VIPR2: variants seen among roughly 807,000 people sequenced by gnomAD.
The protein encoded by VIPR2 is vasoactive intestinal peptide receptor 2.
VIPR2 carries 48 observed loss-of-function variants against 58.0 expected under a neutral mutation model. The ratio of observed to expected loss-of-function variants is 0.83; its 90% CI spans 0.66 to 1.05. The LOEUF is 1.05. VIPR2 is among the 50% of genes least tolerant of loss of function. The pLI, the probability that VIPR2 is intolerant of heterozygous loss-of-function variation, is 0.00. For missense variants in VIPR2, 534 were observed against 558.0 expected (o/e 0.96, Z 0.43); for synonymous variants, 243 against 235.2 (o/e 1.03, Z -0.30).
chr7:159,135,386 C>T (rs958841341), intron 2 of VIPR2, among the ~76,000 whole-genome samples: 1 of 151,702 alleles, frequency 6.6e-6, no homozygotes, highest in Non-Finnish European at 1.5e-5. Context: ...GAGCCCAGAT[C>T]GCACCCCTGC....
At chr7:159,136,405 C>A (rs1377167345) in intron 2 of VIPR2, among the ~76,000 whole-genome samples, 1 of 152,178 alleles carries the variant, frequency 6.6e-6, no homozygotes, top group Non-Finnish European at 1.5e-5. Flanking sequence ...TTGTTTTAAC[C>A]TAAGTATTGA....
chr7:159,031,370 G>C lies in VIPR2; in HGVS notation c.1143+458C>G. ...GGGGCCAGGCCGTTGGAGCAGCCCG[G>C]AGACAGCCTCCCTGGCTGGGAATGA... On this transcript the variant is annotated intron_variant, in intron 12 of 12. Coordinates refer to ENST00000262178, the MANE Select transcript of VIPR2 (RefSeq NM_003382.5). This position sits in a 1 kb window ranked among gnomAD's most constrained non-coding sequence, Gnocchi z 4.0. 1.1e-6 allele frequency: 1 copy of C among 945,516 alleles called. No individual in the cohort carries two copies. Among genetic ancestry groups the C allele is most frequent in the Non-Finnish European group, 1.3e-6 (1 of 793,498 alleles). 58.6% of individuals were successfully genotyped at this position (945,516 alleles called of 1,614,324 possible). A position where few individuals can be genotyped will look rare whatever the true frequency, so the allele number is the denominator to read the frequency against.
intron 4 of VIPR2, among the ~76,000 whole-genome samples, chr7:159,065,634 A>G (rs1856036625): frequency 6.7e-6 from 1 of 148,240 alleles, no homozygotes. Flanking sequence ...AAATCCCCAT[A>G]AAAAGACCAT....
chr7:159,092,746 G>A (rs1857577305), intron 4 of VIPR2, among the ~76,000 whole-genome samples: 1 of 151,512 alleles, frequency 6.6e-6, no homozygotes, highest in African/African-American at 2.4e-5. Context: ...CGCCTCCCGG[G>A]TTCGGCTGTT....
chr7:159,091,078 C>T lies in VIPR2; in HGVS notation c.357+12679G>A, dbSNP rs562637299. Among the ~76,000 whole-genome samples the T allele has an allele frequency of 9.8e-5, 15 of 152,328 alleles. No homozygotes were observed. The East Asian group carries it at 1.2e-3, about 12-fold the overall frequency. ...ATCTCTGGTGACCTCAGCACAGACA[C>T]GCTGTGATCACACACAGAGGCCACT... is the stretch of plus-strand genomic sequence containing the variant. On this transcript the variant is annotated intron_variant, in intron 4 of 12. Coordinates refer to ENST00000262178, the MANE Select transcript of VIPR2 (RefSeq NM_003382.5).
chr7:159,071,067 C>T (rs2540352), intron 4 of VIPR2, among the ~76,000 whole-genome samples: 53,252 of 152,152 alleles, frequency 0.35, 10,781 homozygotes, highest in Middle Eastern at 0.47. Context: ...ACAAGAAAAC[C>T]GCCAGGCTAC....
chr7:159,132,821 C>CAGAATGATTGGCATACA (rs1796993289), intron 2 of VIPR2, among the ~76,000 whole-genome samples: 6 of 30,084 alleles, frequency 2.0e-4, no homozygotes, highest in African/African-American at 2.7e-4. Context: ...ATTGGCATAC[C>CAGAATGATTGGCATACA]GATTGATTTG....
intron 2 of VIPR2, among the ~76,000 whole-genome samples, chr7:159,110,606 T>C (rs770099687): frequency 1.4e-4 from 22 of 152,192 alleles, no homozygotes; most frequent in Non-Finnish European, 2.6e-4. Context: ...TACTTGTCCA[T>C]GGTATTTATA....
At chr7:159,034,740 C>G in intron 8 of VIPR2, 90 bp from the exon 9 acceptor site, 1 of 1,017,254 alleles carries the variant, frequency 9.8e-7, no homozygotes, top group East Asian at 2.4e-5. Flanking sequence ...CCCAACTTGC[C>G]CACTCCCCTC....
intron 4 of VIPR2, among the ~76,000 whole-genome samples, chr7:159,101,033 G>A (rs1858184586): frequency 7.1e-6 from 1 of 141,304 alleles, no homozygotes; most frequent in African/African-American, 2.7e-5. Context: ...GTAGTGAACT[G>A]GTCTCACGAG....
At chr7:159,039,971 G>A (rs532400993) in intron 6 of VIPR2, among the ~76,000 whole-genome samples, 2 of 152,338 alleles carry the variant, frequency 1.3e-5, no homozygotes, top group African/African-American at 2.4e-5. Flanking sequence ...GAAAGCAGGC[G>A]CCGACCTGGT....
At chr7:159,059,932 C>T (rs1014266097) in intron 4 of VIPR2, among the ~76,000 whole-genome samples, 7 of 151,646 alleles carry the variant, frequency 4.6e-5, no homozygotes, top group African/African-American at 1.7e-4. Context: ...CCATCCCCTT[C>T]ACCTAACCAC....
intron 2 of VIPR2, among the ~76,000 whole-genome samples, chr7:159,124,743 G>A (rs1193238734): frequency 6.6e-6 from 1 of 152,122 alleles, no homozygotes; most frequent in Non-Finnish European, 1.5e-5. Context: ...CCATTTTAAT[G>A]ATATTGATTC....
At chr7:159,063,425 C>A (rs1036422235) in intron 4 of VIPR2, among the ~76,000 whole-genome samples, 21 of 152,162 alleles carry the variant, frequency 1.4e-4, no homozygotes, top group African/African-American at 4.3e-4. Context: ...GCCGGCCGGC[C>A]GCTCCAAGTG....
intron 4 of VIPR2, among the ~76,000 whole-genome samples, chr7:159,101,184 GATA>G (rs1421700988): frequency 7.7e-5 from 11 of 143,642 alleles, no homozygotes; most frequent in South Asian, 2.2e-4. Context: ...CTGTTCCTGT[GATA>G]GTGAACGGGT....
chr7:159,059,968 T>C (rs3793218), intron 4 of VIPR2, among the ~76,000 whole-genome samples: 16,310 of 148,726 alleles, frequency 0.11, 933 homozygotes, highest in Middle Eastern at 0.17. Flanking sequence ...AACAGTCACC[T>C]TCACTTCACC....
intron 5 of VIPR2, among the ~76,000 whole-genome samples, chr7:159,056,683 G>A (rs1419399360): frequency 6.6e-6 from 1 of 152,196 alleles, no homozygotes; most frequent in African/African-American, 2.4e-5. Flanking sequence ...GGCTTTCTTG[G>A]CTTATTGGGC....
rs551832723 is a variant in VIPR2, at chr7:159,134,785, G to A, written c.151+7661C>T. Reference sequence around the variant, plus strand: ...CCATTCTCCCGCCTCAGCCTCCTGAGTAGCTGGGACTAGAGGCGCCCGCCA... The same window carrying A: ...CCATTCTCCCGCCTCAGCCTCCTGAATAGCTGGGACTAGAGGCGCCCGCCA... On this transcript the variant is annotated intron_variant, in intron 2 of 12. Coordinates refer to ENST00000262178, the MANE Select transcript of VIPR2 (RefSeq NM_003382.5). 2.1e-3 allele frequency among the ~76,000 whole-genome samples: 314 copies of A among 151,894 alleles called. 1 individual carries two copies. The highest frequency in any genetic ancestry group is 6.8e-3 in the Middle Eastern group (2 of 294).
At chr7:159,034,705 T>C in intron 8 of VIPR2, 55 bp from the exon 9 acceptor site, 7 of 1,512,940 alleles carry the variant, frequency 4.6e-6, no homozygotes, top group Non-Finnish European at 6.4e-6. Flanking sequence ...GCAAGACAGG[T>C]ACAGAAGAAT....
Sources: gnomAD v4.1 joint callset for allele counts (sites outside exome capture counted in the v4.1 genomes callset) on GRCh38, gnomAD v4.1.1 for gene constraint, Gnocchi (gnomAD v3.1) non-coding constraint, MANE v1.5 for transcripts, NCBI Gene and HGNC (gene_info 2026-07-23, HGNC 2026-07-21) for gene names.